The following S100A2 variants were observed in gnomAD, a reference collection of about 807,000 sequenced individuals.
The protein encoded by S100A2 is S100 calcium binding protein A2.
In S100A2, 5 loss-of-function variants were observed where a neutral mutation model predicts 4.3. The observed-to-expected ratio is 1.16, with a 90% CI of 0.61 to 2.44. The LOEUF (loss-of-function observed/expected upper bound fraction) is 2.44. S100A2 is among the 30% of genes most tolerant of loss of function. The pLI, the probability that S100A2 is intolerant of heterozygous loss-of-function variation, is 0.01. For synonymous variants in S100A2, 44 were observed against 46.0 expected, an observed-to-expected ratio of 0.96 and a Z score of 0.17; for missense variants, 103 against 114.7, an observed-to-expected ratio of 0.90 and a Z score of 0.47.
At chr1:153,563,915 C>T (rs753140977) in intron 1 of S100A2, 28 bp from the exon 2 acceptor site, 2 of 1,602,592 alleles carry the variant, frequency 1.2e-6, no homozygotes, top group Non-Finnish European at 8.5e-7. Context: ...GATGGGTACA[C>T]TGCTGAGGCT....
intron 2 of S100A2, 126 bp downstream of exon 2, chr1:153,563,608 A>T (rs753151199): frequency 6.4e-7 from 1 of 1,563,034 alleles, no homozygotes; most frequent in Admixed American, 1.9e-5. Flanking sequence ...CCATGAAGCT[A>T]AAGTGGGGAG....
chr1:153,561,637 C>T (rs1665897938), intron 2 of S100A2, 46 bp from the exon 3 acceptor site: 1 of 1,613,110 alleles, frequency 6.2e-7, no homozygotes, highest in Non-Finnish European at 8.5e-7. Flanking sequence ...AGCCCCAACC[C>T]CAGCTCCACC....
intron 1 of S100A2, among the ~76,000 whole-genome samples, chr1:153,565,033 C>T (rs1392122164): frequency 6.6e-6 from 1 of 151,310 alleles, no homozygotes; most frequent in Non-Finnish European, 1.5e-5. Flanking sequence ...TTCAGTCGGC[C>T]GGGCGCGGTG....
chr1:153,563,002 G>A (rs549684181), intron 2 of S100A2, among the ~76,000 whole-genome samples: 244 of 149,288 alleles, frequency 1.6e-3, no homozygotes, highest in African/African-American at 5.7e-3. Flanking sequence ...GTCCGGGCAC[G>A]GTGGCTCACG....
In S100A2 at chr1:153,562,682, T is replaced by C. The variant is rs1180533997; in HGVS notation, c.144+1052A>G. 2.6e-5 allele frequency among the ~76,000 whole-genome samples: 4 copies of C among 152,232 alleles called. No homozygotes were observed. In the East Asian group the frequency reaches 5.8e-4, roughly 22 times the overall value. ...GGCTTTTCTATCCCTACATACTTTC[T>C]TAGTTTGGCATATAAAAATGGAAAG... On this transcript the variant is annotated intron_variant, in intron 2 of 2. Transcript: ENST00000368708.
rs1029784790 is a variant in S100A2 at position 153,561,659 on chromosome 1, C to A, written c.145-68G>T. 41 of 1,609,314 alleles carry A rather than the reference C, an allele frequency of 2.5e-5. No individual in the cohort carries two copies. In the East Asian group the frequency reaches 6.2e-4, roughly 24 times the overall value. On this transcript the variant is annotated intron_variant, in intron 2 of 2. Transcript: ENST00000368708. Reference sequence around the variant, plus strand: ...ACCCCAGCTCCACCAAACACCCAGACCCTCACACATTCAGGTTGGTTCCCA... The same window carrying A: ...ACCCCAGCTCCACCAAACACCCAGAACCTCACACATTCAGGTTGGTTCCCA...
intron 1 of S100A2, among the ~76,000 whole-genome samples, chr1:153,564,833 C>T (rs1665971968): frequency 1.1e-5 from 1 of 93,652 alleles, no homozygotes; most frequent in Non-Finnish European, 2.0e-5. Flanking sequence ...CACCTTAGTC[C>T]TGCTAGAATC....
In S100A2 at chr1:153,561,205, CT is replaced by C. The variant is rs1665886523; in HGVS notation, c.*233del. 4 of 394,982 alleles carry C rather than the reference CT, an allele frequency of 1.0e-5. No individual in the cohort carries two copies. Among genetic ancestry groups the C allele is most frequent in the Non-Finnish European group, 1.8e-5 (4 of 226,128 alleles). 24.5% of individuals were successfully genotyped at this position (394,982 alleles called of 1,614,324 possible). A position where few individuals can be genotyped will look rare whatever the true frequency, so the allele number is the denominator to read the frequency against. ...GTGTTTGAAATTCCAAAATTGAGACCTAAAGCATAGCTCTGGCCTTGGAGAG... is the reference window on the plus strand; with the variant it reads ...GTGTTTGAAATTCCAAAATTGAGACCAAAGCATAGCTCTGGCCTTGGAGAG... On this transcript the variant is annotated 3_prime_UTR_variant, in exon 3 of 3. Coordinates refer to ENST00000368708, the MANE Select transcript of S100A2 (RefSeq NM_005978.4).
chr1:153,561,638 C>T (rs752324630), intron 2 of S100A2, 47 bp from the exon 3 acceptor site: 2 of 1,613,088 alleles, frequency 1.2e-6, no homozygotes, highest in Admixed American at 1.7e-5. Context: ...GCCCCAACCC[C>T]AGCTCCACCA....
Position 153,561,181 on chromosome 1 carries a change from T to C in S100A2, c.*258A>G. 1 of 341,294 alleles carries C rather than the reference T, an allele frequency of 2.9e-6. No homozygotes were observed. Among genetic ancestry groups the C allele is most frequent in the Non-Finnish European group, 5.2e-6 (1 of 190,848 alleles). The allele number at this position is 341,294 out of a possible 1,614,324, so 21.1% of individuals were successfully genotyped here. A position where few individuals can be genotyped will look rare whatever the true frequency, so the allele number is the denominator to read the frequency against. ...ATCTCGATTTCCAATTTTTTGCTGG[T>C]GTTTGAAATTCCAAAATTGAGACCT... is the stretch of plus-strand genomic sequence containing the variant. On this transcript the variant is annotated 3_prime_UTR_variant, in exon 3 of 3. Transcript: ENST00000368708.
chr1:153,565,818 G>C lies in S100A2; in HGVS notation c.-323C>G, dbSNP rs1237134604. The C allele has an allele frequency of 6.6e-6, 1 of 152,570 alleles. No homozygotes were observed. The highest frequency in any genetic ancestry group is 1.5e-5 in the Non-Finnish European group (1 of 68,310). 9.5% of individuals were successfully genotyped at this position (152,570 alleles called of 1,614,324 possible). The stretch of plus-strand genomic sequence containing the variant: ...TCGTGGGGACTGGGCATCCTGGACC[G>C]GGGTGAGGGGAGGCAACCCCTGCTC... On this transcript the variant is annotated 5_prime_UTR_variant, in exon 1 of 3. Coordinates refer to ENST00000368708, the MANE Select transcript of S100A2 (RefSeq NM_005978.4).
rs1665886387 is a variant in S100A2, at chr1:153,561,202, G to C, written c.*237C>G. ...CTGGTGTTTGAAATTCCAAAATTGA[G>C]ACCTAAAGCATAGCTCTGGCCTTGG... On this transcript the variant is annotated 3_prime_UTR_variant, in exon 3 of 3. Coordinates refer to ENST00000368708, the MANE Select transcript of S100A2 (RefSeq NM_005978.4). 4 of 383,380 alleles carry C rather than the reference G, an allele frequency of 1.0e-5. No individual in the cohort carries two copies. The highest frequency in any genetic ancestry group is 1.8e-5 in the Non-Finnish European group (4 of 218,174). The allele number at this position is 383,380 out of a possible 1,614,324, so 23.7% of individuals were successfully genotyped here.
intron 2 of S100A2, 93 bp from the exon 3 acceptor site, chr1:153,561,684 A>G (rs1426109735): frequency 2.5e-6 from 4 of 1,582,020 alleles, no homozygotes; most frequent in Non-Finnish European, 3.5e-6. Flanking sequence ...GTTGGTTCCC[A>G]GCTCTCCCTC....
At position 153,563,823 on chromosome 1, in the gene S100A2, TGTGGAAG is replaced by T; in HGVS notation, c.48_54del (p.Phe17SerfsTer12). 1 of 1,614,200 alleles carries T rather than the reference TGTGGAAG, an allele frequency of 6.2e-7. No individual in the cohort carries two copies. The highest frequency in any genetic ancestry group is 8.5e-7 in the Non-Finnish European group (1 of 1,180,032). Reference sequence around the variant, plus strand: ...TTGTCGCCCTCTTGGCAGGAGTACTTGTGGAAGGTAGTGACCAGCACAGCCAGCGCCT... The same window carrying T: ...TTGTCGCCCTCTTGGCAGGAGTACTTGTAGTGACCAGCACAGCCAGCGCCT... On this transcript the variant is annotated frameshift_variant, in exon 2 of 3. Coordinates refer to ENST00000368708, the MANE Select transcript of S100A2 (RefSeq NM_005978.4). LOFTEE classifies it high-confidence loss of function.
In S100A2 at chr1:153,563,859, C is replaced by G. The variant is rs371526881; in HGVS notation, c.19G>C (p.Glu7Gln). The stretch of plus-strand genomic sequence containing the variant: ...GTGACCAGCACAGCCAGCGCCTGCT[C>G]CAGAGAACTGCACATCATGGATCTG... MMCSSL[E>Q]QALAVLVTTF... Residue 7 changes from glutamate to glutamine, a missense_variant, in exon 2 of 3, where the codon GAG (glutamate) becomes CAG (glutamine). By Grantham distance (29) the Glu-to-Gln change is conservative. Transcript: ENST00000368708. The G allele has an allele frequency of 1.6e-5, 26 of 1,614,112 alleles. No homozygotes were observed. In the African/African-American group the frequency reaches 2.8e-4, roughly 17 times the overall value.
chr1:153,563,939 C>G (rs1665953332), intron 1 of S100A2, 52 bp from the exon 2 acceptor site: 1 of 1,572,572 alleles, frequency 6.4e-7, no homozygotes, highest in Non-Finnish European at 8.6e-7. Context: ...GGGGCCTTAG[C>G]TCAGCCTGTA....
intron 2 of S100A2, chr1:153,563,269 G>C (rs1383148410): frequency 2.7e-6 from 2 of 748,940 alleles, no homozygotes; most frequent in Admixed American, 5.6e-5. Flanking sequence ...CTACTCAGGA[G>C]GCTGAGACAG....
chr1:153,564,466 G>A (rs1415323744), intron 1 of S100A2, among the ~76,000 whole-genome samples: 2 of 152,200 alleles, frequency 1.3e-5, no homozygotes, highest in African/African-American at 4.8e-5. Context: ...GGTGGGGAAT[G>A]TGTCTCCCCT....
At chr1:153,563,697 C>T (rs1215563838) in intron 2 of S100A2, 37 bp downstream of exon 2, 2 of 1,599,514 alleles carry the variant, frequency 1.3e-6, no homozygotes, top group South Asian at 1.1e-5. Flanking sequence ...CCCCCACACT[C>T]ACACCAGGAC....
Sources: gnomAD v4.1 joint callset for allele counts (sites outside exome capture counted in the v4.1 genomes callset) on GRCh38, gnomAD v4.1.1 for gene constraint, MANE v1.5 for transcripts, NCBI Gene and HGNC (gene_info 2026-07-23, HGNC 2026-07-21) for gene names.